The following ANKRD55 variants were observed in gnomAD, a reference collection of about 807,000 sequenced individuals.
ANKRD55 encodes the protein ankyrin repeat domain-containing protein 55.
In ANKRD55, 41 loss-of-function variants were observed where a neutral mutation model predicts 60.6. The ratio of observed to expected loss-of-function variants is 0.68; its 90% CI spans 0.53 to 0.88. The LOEUF is 0.88. Among genes scored for constraint, ANKRD55 ranks in the 40% least tolerant of loss-of-function variants. ANKRD55 has a pLI of 0.00. For synonymous variants in ANKRD55, 264 were observed against 290.3 expected (o/e 0.91, Z 0.92); for missense variants, 732 against 767.6 (o/e 0.95, Z 0.55).
intron 6 of ANKRD55, among the ~76,000 whole-genome samples, chr5:56,150,035 G>T (rs564644903): frequency 6.6e-6 from 1 of 152,046 alleles, no homozygotes; most frequent in Non-Finnish European, 1.5e-5. Flanking sequence ...AGAGATGGGC[G>T]TCACCATATT....
At chr5:56,183,486 G>A in intron 3 of ANKRD55, 26 bp downstream of exon 3, 1 of 1,612,424 alleles carries the variant, frequency 6.2e-7, no homozygotes, top group Non-Finnish European at 8.5e-7. Flanking sequence ...AGAACATTCT[G>A]GATTCAAAAT....
At chr5:56,156,882 C>G (rs980474670) in intron 6 of ANKRD55, 1 of 152,180 alleles carries the variant, frequency 6.6e-6, no homozygotes, top group Non-Finnish European at 1.5e-5. Flanking sequence ...TAATGCTAGT[C>G]AGAGGGAGGC....
intron 9 of ANKRD55, among the ~76,000 whole-genome samples, chr5:56,113,760 G>A (rs910715204): frequency 5.3e-5 from 8 of 151,854 alleles, no homozygotes; most frequent in South Asian, 2.1e-4. Context: ...AGTATTTCTC[G>A]TGCTTCAGCC....
chr5:56,183,406 A>C, intron 3 of ANKRD55, 106 bp downstream of exon 3: 1 of 1,443,026 alleles, frequency 6.9e-7, no homozygotes, highest in Admixed American at 2.0e-5. Flanking sequence ...GCACAGTATC[A>C]AAATGGCTGG....
At chr5:56,111,820 A>G (rs879345129) in intron 9 of ANKRD55, 38 bp from the exon 10 acceptor site, 2 of 1,455,834 alleles carry the variant, frequency 1.4e-6, no homozygotes, top group Non-Finnish European at 1.8e-6. Context: ...ATATGTGAGT[A>G]TGGGAAGTAG....
At chr5:56,138,540 C>T (rs1315065214) in intron 7 of ANKRD55, among the ~76,000 whole-genome samples, 1 of 152,176 alleles carries the variant, frequency 6.6e-6, no homozygotes, top group African/African-American at 2.4e-5. Context: ...AAGCTGCACA[C>T]AGATGTTTAT....
chr5:56,103,946 G>A (rs1376705009), intron 10 of ANKRD55, among the ~76,000 whole-genome samples: 1 of 152,188 alleles, frequency 6.6e-6, no homozygotes, highest in African/African-American at 2.4e-5. Flanking sequence ...TTAGTTGATG[G>A]AGATTAAATC....
At chr5:56,170,599 C>G in intron 5 of ANKRD55, 95 bp downstream of exon 5, 9 of 870,416 alleles carry the variant, frequency 1.0e-5, no homozygotes, top group South Asian at 2.2e-5. Context: ...TTTTCTTTTT[C>G]TTTTTTTATC....
intron 2 of ANKRD55, among the ~76,000 whole-genome samples, chr5:56,193,919 G>A (rs1398539009): frequency 6.6e-6 from 1 of 152,138 alleles, no homozygotes; most frequent in Non-Finnish European, 1.5e-5. Context: ...AAGAGATTTT[G>A]TTGTCTATTT....
chr5:56,210,497 G>A (rs1759640494), intron 2 of ANKRD55, among the ~76,000 whole-genome samples: 1 of 148,276 alleles, frequency 6.7e-6, no homozygotes, highest in African/African-American at 2.5e-5. Context: ...GGGAGGCGGA[G>A]CTTGCAGTGA....
intron 7 of ANKRD55, among the ~76,000 whole-genome samples, chr5:56,140,019 G>T (rs1757715189): frequency 6.6e-6 from 1 of 152,156 alleles, no homozygotes; most frequent in African/African-American, 2.4e-5. Flanking sequence ...TACCTAGTAG[G>T]CCTACTGTTT....
chr5:56,175,773 C>A (rs1047554357), intron 4 of ANKRD55, among the ~76,000 whole-genome samples: 20 of 152,104 alleles, frequency 1.3e-4, no homozygotes, highest in African/African-American at 4.8e-4. Flanking sequence ...CCAATCCTAC[C>A]CCACAGATGT....
rs531906755 is a variant in ANKRD55 at position 56,160,009 on chromosome 5, A to G, written c.423-116T>C. 53 of 804,466 alleles carry G rather than the reference A, an allele frequency of 6.6e-5. No individual in the cohort carries two copies. The African/African-American group carries it at 7.7e-4, about 12-fold the overall frequency. The allele number at this position is 804,466 out of a possible 1,614,324, so 49.8% of individuals were successfully genotyped here. On this transcript the variant is annotated intron_variant, in intron 5 of 11. Coordinates refer to ENST00000341048, the MANE Select transcript of ANKRD55 (RefSeq NM_024669.3). ...GTCAGTTGAAAGACTCCAAATGAAG[A>G]TGAGGGCCCTTTCCGTTTCTCTGGG...
intron 2 of ANKRD55, among the ~76,000 whole-genome samples, chr5:56,223,350 G>A (rs905154198): frequency 5.3e-5 from 8 of 152,182 alleles, no homozygotes; most frequent in Non-Finnish European, 1.2e-4. Context: ...GCTCCTGAAG[G>A]AAGCACTAAA....
chr5:56,114,432 C>T (rs945470427), intron 9 of ANKRD55: 1 of 152,394 alleles, frequency 6.6e-6, no homozygotes, highest in Non-Finnish European at 1.5e-5. Context: ...GTCTAGCTTT[C>T]AAGCAAAAAC....
chr5:56,197,389 C>T (rs900085875), intron 2 of ANKRD55, among the ~76,000 whole-genome samples: 1 of 152,110 alleles, frequency 6.6e-6, no homozygotes, highest in Non-Finnish European at 1.5e-5. Context: ...AAAAGGTCTA[C>T]AATTGTTAGT....
chr5:56,123,983 C>A (rs564916406), intron 8 of ANKRD55, among the ~76,000 whole-genome samples: 1 of 152,084 alleles, frequency 6.6e-6, no homozygotes, highest in African/African-American at 2.4e-5. Context: ...CAAGAGTGGG[C>A]GGATGTGGTG....
rs184408282 is a variant in ANKRD55, at chr5:56,195,512, C to T, written c.59-11878G>A. 1.9e-4 allele frequency among the ~76,000 whole-genome samples: 29 copies of T among 152,248 alleles called. No homozygotes were observed. In the East Asian group the frequency reaches 4.6e-3, roughly 24 times the overall value. On this transcript the variant is annotated intron_variant, in intron 2 of 11. Transcript: ENST00000341048. ...AGGCTGGAGTGCAGTGTCGCGATCT[C>T]GGCTCACTGCAACTTCTGCCTCCCA...
chr5:56,220,034 G>A (rs928831091), intron 2 of ANKRD55, among the ~76,000 whole-genome samples: 24 of 152,322 alleles, frequency 1.6e-4, no homozygotes, highest in South Asian at 4.1e-4. Context: ...CTGCTGCACC[G>A]GAGGCTGAGC....
Sources: allele counts gnomAD v4.1 joint callset (sites outside exome capture counted in the v4.1 genomes callset), GRCh38; gene constraint gnomAD v4.1.1; transcripts MANE v1.5; gene names NCBI Gene and HGNC (gene_info 2026-07-23, HGNC 2026-07-21).